MKS1: variants seen among roughly 807,000 people sequenced by gnomAD.
MKS1 encodes the protein tectonic-like complex member MKS1.
Under a neutral mutation model 83.7 loss-of-function variants are expected in MKS1, and 70 were observed. That is an observed-to-expected ratio of 0.84 (90% confidence interval 0.69 to 1.02). The LOEUF (loss-of-function observed/expected upper bound fraction) is 1.02. Among genes scored for constraint, MKS1 ranks in the 50% least tolerant of loss-of-function variants. MKS1 has a pLI of 0.00. For synonymous variants in MKS1, 251 were observed against 273.4 expected (o/e 0.92, Z 0.81); for missense variants, 681 against 726.9 (o/e 0.94, Z 0.73).
intron 14 of MKS1, 80 bp from the exon 15 acceptor site, chr17:58,207,298 G>A: frequency 6.3e-7 from 1 of 1,591,326 alleles, no homozygotes. Flanking sequence ...AATGACACAG[G>A]CCTAGACTCA....
Position 58,206,734 on chromosome 17 carries a change from C to G in MKS1, c.1408-187G>C, listed in dbSNP as rs114664914. 1.9e-3 allele frequency: 1,330 copies of G among 705,296 alleles called. 16 individuals carry two copies. In the African/African-American group the frequency reaches 0.019, roughly 10 times the overall value. The allele number at this position is 705,296 out of a possible 1,614,324, so 43.7% of individuals were successfully genotyped here. On this transcript the variant is annotated intron_variant, in intron 15 of 17. Coordinates refer to ENST00000393119, the MANE Select transcript of MKS1 (RefSeq NM_017777.4). ...GGGCTATTGGGCTCCCCCAACTAAA[C>G]CAGGGAACATTCCAACCTCATTTGA...
chr17:58,209,664 C>G lies in MKS1; in HGVS notation c.1024+995G>C, dbSNP rs188304939. On this transcript the variant is annotated intron_variant, in intron 11 of 17. Coordinates refer to ENST00000393119, the MANE Select transcript of MKS1 (RefSeq NM_017777.4). The surrounding 1 kb of genome is among the most constrained non-coding windows in gnomAD (Gnocchi z 4.1). The stretch of plus-strand genomic sequence containing the variant: ...GAATGAACCTGGCTGGGAAGAATGA[C>G]TGGAAGGTTGTATGGAAGAGATAGG... Among the ~76,000 whole-genome samples, 1 of 152,302 alleles carries G rather than the reference C, an allele frequency of 6.6e-6. No homozygotes were observed. Among genetic ancestry groups the G allele is most frequent in the Admixed American group, 6.5e-5 (1 of 15,298 alleles).
chr17:58,211,080 C>T lies in MKS1; in HGVS notation c.916-58G>A, dbSNP rs1375118948. ...GGCCTGGAGGGAATTGGCACTTCTC[C>T]TCCAGCCCCATCTACAAATCTGCAG... On this transcript the variant is annotated intron_variant, in intron 9 of 17. Coordinates refer to ENST00000393119, the MANE Select transcript of MKS1 (RefSeq NM_017777.4). 6 of 1,567,290 alleles carry T rather than the reference C, an allele frequency of 3.8e-6. No homozygotes were observed. The Admixed American group carries it at 1.0e-4, about 26-fold the overall frequency.
Position 58,208,532 on chromosome 17 carries a change from G to A in MKS1, c.1076C>T (p.Thr359Ile), listed in dbSNP as rs1397280567. The A allele has an allele frequency of 1.2e-6, 2 of 1,614,142 alleles. No homozygotes were observed. The highest frequency in any genetic ancestry group is 1.1e-5 in the South Asian group (1 of 91,088). The change falls in exon 12 of 18, where the codon ACC becomes ATC. Residue 359 changes from threonine (T) to isoleucine (I), a missense_variant. Physicochemically the swap from Thr to Ile is moderately conservative, Grantham distance 89. Coordinates refer to ENST00000393119, the MANE Select transcript of MKS1 (RefSeq NM_017777.4). ...CCATACCATTGCCAGGGACTTGGTG[G>A]TGCAGGTCTGTGTTACTCCTGAGAG... ...QQLSGVTQTC[T>I]TKSLAMDKVA... is the part of the protein sequence containing the mutation.
In MKS1 at chr17:58,207,927, C is replaced by T. The variant is rs1178459205; in HGVS notation, c.1240G>A (p.Gly414Ser). 6.2e-7 allele frequency: 1 copy of T among 1,614,138 alleles called. No homozygotes were observed. Among genetic ancestry groups the T allele is most frequent in the Non-Finnish European group, 8.5e-7 (1 of 1,180,006 alleles). The stretch of plus-strand genomic sequence containing the variant: ...GCAGGCAGCACCACAGCCCCATAGC[C>T]TTCCACACGGTACCTCTGCCAGAAG... ...LDFWQRYRVEGYGAVVLPATP... is the reference protein window; with the variant it reads ...LDFWQRYRVESYGAVVLPATP... The change falls in exon 14 of 18, where the codon GGC becomes AGC. Residue 414 changes from glycine to serine, a missense_variant. By Grantham distance (56) the Gly-to-Ser change is moderately conservative (BLOSUM62 0). Around this residue, in one of 3 missense-constraint regions of MKS1, gnomAD observed 310 missense variants for 321.7 expected, o/e 0.96. Transcript: ENST00000393119.
chr17:58,218,447 C>CA (rs67834721), intron 2 of MKS1, 173 bp downstream of exon 2: 3,701 of 241,034 alleles, frequency 0.015, 172 homozygotes, highest in African/African-American at 0.031. Flanking sequence ...GACTCCGTCT[C>CA]AAAAAAAAAA....
chr17:58,216,223 T>C lies in MKS1; in HGVS notation c.282A>G (p.Gln94=), dbSNP rs772742739. 6.2e-7 allele frequency: 1 copy of C among 1,613,564 alleles called. No homozygotes were observed. Among genetic ancestry groups the C allele is most frequent in the Non-Finnish European group, 8.5e-7 (1 of 1,180,004 alleles). ...LFSQFEVDLY[Q]NETACQSPLD... is the part of the protein sequence containing the mutation. ...AAGGACTCTGACAGGCTGTTTCATT[T>C]TGGTACAGATCTACTTCAAACTGAG... The change falls in exon 4 of 18, where the codon CAA becomes CAG. Residue 94 remains glutamine, a synonymous_variant. Coordinates refer to ENST00000393119, the MANE Select transcript of MKS1 (RefSeq NM_017777.4).
chr17:58,218,549 C>G (rs1969394065), intron 2 of MKS1, 71 bp downstream of exon 2: 1 of 993,926 alleles, frequency 1.0e-6, no homozygotes, highest in Admixed American at 2.0e-5. Context: ...TGTTATCTCA[C>G]TACATTTGGC....
chr17:58,212,677 C>T (rs774601607), intron 8 of MKS1, among the ~76,000 whole-genome samples: 4 of 152,176 alleles, frequency 2.6e-5, no homozygotes, highest in Non-Finnish European at 4.4e-5. Context: ...TCCTCAATCT[C>T]GGTTTCCCCA....
At chr17:58,210,779 C>T in intron 10 of MKS1, 55 bp from the exon 11 acceptor site, 1 of 1,559,794 alleles carries the variant, frequency 6.4e-7, no homozygotes, top group Admixed American at 1.7e-5. Flanking sequence ...CCCTTAGCAC[C>T]CAACCCAATC....
intron 10 of MKS1, 89 bp from the exon 11 acceptor site, chr17:58,210,813 A>C (rs1270020524): frequency 1.4e-6 from 2 of 1,479,044 alleles, no homozygotes; most frequent in Non-Finnish European, 1.9e-6. Context: ...ACACCCTGAG[A>C]GCAAGTCTTT....
intron 8 of MKS1, 121 bp from the exon 9 acceptor site, chr17:58,212,555 C>T: frequency 9.6e-7 from 1 of 1,045,028 alleles, no homozygotes; most frequent in South Asian, 1.3e-5. Flanking sequence ...GGCGTAAGCA[C>T]CTGACTCACC....
Position 58,206,327 on chromosome 17 carries a change from C to G in MKS1, c.1544G>C (p.Arg515Pro), listed in dbSNP as rs200658872. 6.2e-6 allele frequency: 10 copies of G among 1,613,948 alleles called. No individual in the cohort carries two copies. Among genetic ancestry groups the G allele is most frequent in the Non-Finnish European group, 8.5e-6 (10 of 1,180,020 alleles). ...ACTCTGCTGGCTGAACCCTTCCAGA[C>G]GGTCCAACACACTCCGCATCCTTTT... ...LQKRMRSVLD[R>P]LEGFSQQSSI... is the part of the protein sequence containing the mutation. The change falls in exon 17 of 18, where the codon CGT (arginine) becomes CCT (proline). Residue 515 changes from arginine (R) to proline (P), a missense_variant. By Grantham distance (103) the Arg-to-Pro change is moderately radical. Coordinates refer to ENST00000393119, the MANE Select transcript of MKS1 (RefSeq NM_017777.4).
At chr17:58,208,895 T>A (rs1047434790) in intron 11 of MKS1, among the ~76,000 whole-genome samples, 1 of 152,218 alleles carries the variant, frequency 6.6e-6, no homozygotes, top group Admixed American at 6.5e-5. Flanking sequence ...TTCAAGCACC[T>A]GTTTAACAAA....
In MKS1 at chr17:58,210,005, G is replaced by A. The variant is rs368244385; in HGVS notation, c.1024+654C>T. ...TGTTGACAGATTGGCTGGCTATAGG[G>A]AGCTAGGGAAAGTGAGGGATCAAGG... On this transcript the variant is annotated intron_variant, in intron 11 of 17. Transcript: ENST00000393119. Among the ~76,000 whole-genome samples, 58 of 152,302 alleles carry A rather than the reference G, an allele frequency of 3.8e-4. No individual in the cohort carries two copies. The East Asian group carries it at 5.2e-3, about 14-fold the overall frequency.
intron 7 of MKS1, among the ~76,000 whole-genome samples, chr17:58,213,541 C>G (rs1179370583): frequency 6.6e-6 from 1 of 152,236 alleles, no homozygotes; most frequent in Non-Finnish European, 1.5e-5. Flanking sequence ...TTAACTGTAC[C>G]ACTGAAGTGA....
intron 7 of MKS1, 124 bp downstream of exon 7, chr17:58,213,641 T>G (rs1969012784): frequency 1.3e-6 from 1 of 788,278 alleles, no homozygotes; most frequent in Admixed American, 2.0e-5. Context: ...ATACGAACCA[T>G]TGCCTGGGAA....
At chr17:58,216,340 G>A (rs1969213853) in intron 3 of MKS1, 97 bp from the exon 4 acceptor site, 6 of 1,309,978 alleles carry the variant, frequency 4.6e-6, no homozygotes, top group Non-Finnish European at 6.5e-6. Context: ...CTACAGAACT[G>A]ATGCTATCTG....
chr17:58,218,520 A>G (rs975867871), intron 2 of MKS1, 100 bp downstream of exon 2: 8 of 854,420 alleles, frequency 9.4e-6, no homozygotes, highest in East Asian at 2.8e-5. Flanking sequence ...ACTCTATAAC[A>G]TATCAGAAGT....
Sources: allele counts gnomAD v4.1 joint callset (sites outside exome capture counted in the v4.1 genomes callset), GRCh38; gene constraint gnomAD v4.1.1; regional missense constraint gnomAD v4.1.1; non-coding constraint Gnocchi (gnomAD v3.1); transcripts MANE v1.5; gene names NCBI Gene and HGNC (gene_info 2026-07-23, HGNC 2026-07-21).